The following SGCZ variants were observed in gnomAD, a reference collection of about 807,000 sequenced individuals.
SGCZ encodes sarcoglycan zeta.
Under a neutral mutation model 41.3 loss-of-function variants are expected in SGCZ, and 40 were observed. That is an observed-to-expected ratio of 0.97 (90% CI 0.75 to 1.26). The LOEUF (loss-of-function observed/expected upper bound fraction) is 1.26. Ranked by LOEUF, SGCZ falls within the 50% of genes most tolerant of loss-of-function variation. The pLI is 0.00. For missense variants in SGCZ, 552 were observed against 369.8 expected (o/e 1.49, Z -4.04); for synonymous variants, 206 against 137.5 (o/e 1.50, Z -3.49).
At chr8:14,632,022 T>G (rs1806672128) in intron 1 of SGCZ, among the ~76,000 whole-genome samples, 1 of 143,702 alleles carries the variant, frequency 7.0e-6, no homozygotes, top group African/African-American at 2.6e-5. Context: ...TATTTTATTT[T>G]ATTTATTTAT....
chr8:14,961,980 C>A (rs1241995353), intron 1 of SGCZ, among the ~76,000 whole-genome samples: 1 of 152,152 alleles, frequency 6.6e-6, no homozygotes, highest in East Asian at 1.9e-4. Flanking sequence ...CTGATTATAT[C>A]ATCCTTTAAT....
intron 2 of SGCZ, among the ~76,000 whole-genome samples, chr8:14,391,374 CATAAAG>C (rs369378184): frequency 8.6e-5 from 13 of 152,042 alleles, no homozygotes; most frequent in African/African-American, 2.9e-4. Context: ...AAAATTCATG[CATAAAG>C]ATAAAGTCAT....
rs140309111 is a variant in SGCZ, at chr8:14,631,949, C to T, written c.40-77023G>A. 2.5e-3 allele frequency among the ~76,000 whole-genome samples: 381 copies of T among 152,182 alleles called. 2 individuals carry two copies. The highest frequency in any genetic ancestry group is 8.4e-3 in the African/African-American group (351 of 41,548). Reference sequence around the variant, plus strand: ...TCTTAGTAGTAATATTTGTTGGGTACCACATAATGTTTGTTACATTATTAC... The same window carrying T: ...TCTTAGTAGTAATATTTGTTGGGTATCACATAATGTTTGTTACATTATTAC... On this transcript the variant is annotated intron_variant, in intron 1 of 7. Coordinates refer to ENST00000382080, the MANE Select transcript of SGCZ (RefSeq NM_139167.4).
At position 14,086,613 on chromosome 8, in the gene SGCZ, G is replaced by C. The variant is rs1274516447; in HGVS notation, c.*3830C>G. ...AATATTTCTATTAATTTCCTAAACAGTCATTTTGAATAAGATCCAAATGCA... is the reference window on the plus strand; with the variant it reads ...AATATTTCTATTAATTTCCTAAACACTCATTTTGAATAAGATCCAAATGCA... On this transcript the variant is annotated 3_prime_UTR_variant, in exon 8 of 8. Coordinates refer to ENST00000382080, the MANE Select transcript of SGCZ (RefSeq NM_139167.4). Among the ~76,000 whole-genome samples, 1 of 151,646 alleles carries C rather than the reference G, an allele frequency of 6.6e-6. No homozygotes were observed. The highest frequency in any genetic ancestry group is 1.5e-5 in the Non-Finnish European group (1 of 67,736).
At chr8:14,764,393 A>G (rs1277844374) in intron 1 of SGCZ, among the ~76,000 whole-genome samples, 1 of 152,198 alleles carries the variant, frequency 6.6e-6, no homozygotes, top group Non-Finnish European at 1.5e-5. Flanking sequence ...AAAGAAACTA[A>G]TGGTCAAGGT....
chr8:14,962,670 T>C (rs538410740), intron 1 of SGCZ, among the ~76,000 whole-genome samples: 1 of 152,176 alleles, frequency 6.6e-6, no homozygotes, highest in Non-Finnish European at 1.5e-5. Flanking sequence ...ACTAATCATT[T>C]AAGTAAATGC....
intron 1 of SGCZ, among the ~76,000 whole-genome samples, chr8:14,762,637 C>A (rs1217549827): frequency 6.6e-6 from 1 of 152,194 alleles, no homozygotes; most frequent in Admixed American, 6.5e-5. Context: ...AGCAAAATGA[C>A]AACATGAAAA....
intron 4 of SGCZ, among the ~76,000 whole-genome samples, chr8:14,204,452 C>G (rs1304510909): frequency 1.3e-5 from 2 of 152,040 alleles, no homozygotes; most frequent in African/African-American, 4.8e-5. Flanking sequence ...CTAAGTCTTC[C>G]AAAACCATTG....
At chr8:14,126,844 T>C (rs923522824) in intron 5 of SGCZ, among the ~76,000 whole-genome samples, 1 of 152,104 alleles carries the variant, frequency 6.6e-6, no homozygotes, top group African/African-American at 2.4e-5. Flanking sequence ...GGGACATGGA[T>C]GAAGCTGTAA....
intron 1 of SGCZ, among the ~76,000 whole-genome samples, chr8:14,639,665 A>G (rs541669887): frequency 1.3e-5 from 2 of 151,870 alleles, no homozygotes; most frequent in South Asian, 2.1e-4. Context: ...ATTTAATTTA[A>G]AAGTATGAAA....
intron 1 of SGCZ, among the ~76,000 whole-genome samples, chr8:14,659,695 T>C (rs1807687396): frequency 6.6e-6 from 1 of 152,190 alleles, no homozygotes. Flanking sequence ...TGCTCTCTGC[T>C]CCTGCTATAG....
In SGCZ at chr8:14,150,288, A is replaced by C. The variant is rs183083984; in HGVS notation, c.547+14292T>G. 2.0e-5 allele frequency among the ~76,000 whole-genome samples: 3 copies of C among 152,280 alleles called. No homozygotes were observed. The East Asian group carries it at 5.8e-4, about 29-fold the overall frequency. On this transcript the variant is annotated intron_variant, in intron 5 of 7. Coordinates refer to ENST00000382080, the MANE Select transcript of SGCZ (RefSeq NM_139167.4). ...ATATTTGCAAACTACCCATCTGACA[A>C]GGGATTAATAACCAGAATACATAAG...
At chr8:14,588,526 T>G (rs1805136762) in intron 1 of SGCZ, among the ~76,000 whole-genome samples, 1 of 152,138 alleles carries the variant, frequency 6.6e-6, no homozygotes. Flanking sequence ...ACATTTTATG[T>G]GATTCAAATA....
In SGCZ at chr8:14,161,716, G is replaced by A. The variant is rs144930450; in HGVS notation, c.547+2864C>T. Among the ~76,000 whole-genome samples, 1,124 of 152,142 alleles carry A rather than the reference G, an allele frequency of 7.4e-3. 10 individuals are homozygous for A. The highest frequency in any genetic ancestry group is 0.026 in the African/African-American group (1,071 of 41,470). On this transcript the variant is annotated intron_variant, in intron 5 of 7. Transcript: ENST00000382080. ...TATGACATAGACTTCTAATTAAGTA[G>A]GGGTGTCTGAGATAATTGGAAAATA...
chr8:14,101,974 C>G (rs939629155), intron 7 of SGCZ, among the ~76,000 whole-genome samples: 2 of 151,518 alleles, frequency 1.3e-5, no homozygotes, highest in African/African-American at 4.9e-5. Context: ...GCTCCGCCTC[C>G]CATGGGTTCG....
intron 1 of SGCZ, among the ~76,000 whole-genome samples, chr8:14,684,380 C>T (rs148218172): frequency 0.017 from 2,542 of 152,206 alleles, 44 homozygotes; most frequent in South Asian, 0.084. Flanking sequence ...TGTACAGACA[C>T]ATTTTGGTTC....
At chr8:14,093,755 A>G (rs1801759038) in intron 7 of SGCZ, among the ~76,000 whole-genome samples, 1 of 152,110 alleles carries the variant, frequency 6.6e-6, no homozygotes, top group Non-Finnish European at 1.5e-5. Flanking sequence ...GATGCAAACA[A>G]ATTTGCTCCA....
At chr8:14,484,450 T>A (rs909317552) in intron 2 of SGCZ, among the ~76,000 whole-genome samples, 17 of 152,170 alleles carry the variant, frequency 1.1e-4, no homozygotes, top group Non-Finnish European at 2.4e-4. Flanking sequence ...AAATAAATTT[T>A]TTAATTCAGA....
chr8:15,037,189 G>T (rs369998148), intron 1 of SGCZ, among the ~76,000 whole-genome samples: 2 of 152,116 alleles, frequency 1.3e-5, no homozygotes, highest in African/African-American at 4.8e-5. Flanking sequence ...ACATGTCATA[G>T]GAGGGACCCA....
Sources: allele counts gnomAD v4.1 joint callset (sites outside exome capture counted in the v4.1 genomes callset), GRCh38; gene constraint gnomAD v4.1.1; transcripts MANE v1.5; gene names NCBI Gene and HGNC (gene_info 2026-07-23, HGNC 2026-07-21).